SLC7A6: variants seen among roughly 807,000 people sequenced by gnomAD.
The protein encoded by SLC7A6 is Y+L amino acid transporter 2.
Under a neutral mutation model 46.6 loss-of-function variants are expected in SLC7A6, and 29 were observed. The observed-to-expected ratio is 0.62, with a 90% CI of 0.46 to 0.85. The LOEUF is 0.85. Among genes scored for constraint, SLC7A6 ranks in the 40% least tolerant of loss-of-function variants. SLC7A6 has a pLI of 0.00. For missense variants in SLC7A6, 527 were observed against 647.6 expected, an observed-to-expected ratio of 0.81 and a Z score of 2.02; for synonymous variants, 276 against 257.3, an observed-to-expected ratio of 1.07 and a Z score of -0.70.
chr16:68,296,654 T>C lies in SLC7A6; in HGVS notation c.1297T>C (p.Cys433Arg). 1 of 1,614,216 alleles carries C rather than the reference T, an allele frequency of 6.2e-7. No individual in the cohort carries two copies. Among genetic ancestry groups the C allele is most frequent in the Non-Finnish European group, 8.5e-7 (1 of 1,180,026 alleles). ...KLSVFFPIVF[C>R]ICSVFLVIVP... Reference sequence around the variant, plus strand: ...GAGCGTGTTTTTCCCCATCGTGTTCTGCATATGCTCCGTGTTTCTGGTGAT... The same window carrying C: ...GAGCGTGTTTTTCCCCATCGTGTTCCGCATATGCTCCGTGTTTCTGGTGAT... The change falls in exon 10 of 11, where the codon TGC (cysteine) becomes CGC (arginine). Residue 433 changes from cysteine to arginine, a missense_variant. Cys to Arg is a radical substitution (Grantham distance 180). Coordinates refer to ENST00000219343, the MANE Select transcript of SLC7A6 (RefSeq NM_003983.6).
chr16:68,290,626 T>TCCGACTCTCCTCCC, intron 5 of SLC7A6, 86 bp downstream of exon 5: 2 of 1,471,576 alleles, frequency 1.4e-6, no homozygotes, highest in South Asian at 2.3e-5. Context: ...CTTCTCCTCC[T>TCCGACTCTCCTCCC]CCCTCCGACT....
chr16:68,269,255 T>C (rs1195629342), intron 2 of SLC7A6, among the ~76,000 whole-genome samples: 1 of 152,228 alleles, frequency 6.6e-6, no homozygotes, highest in African/African-American at 2.4e-5. Context: ...CATCTCTCAA[T>C]ATGGTCCTAT....
At chr16:68,278,790 A>G (rs890989709) in intron 3 of SLC7A6, among the ~76,000 whole-genome samples, 17 of 152,168 alleles carry the variant, frequency 1.1e-4, no homozygotes, top group Non-Finnish European at 2.1e-4. Context: ...CAAAACCGCC[A>G]TCGTCATCAT....
intron 7 of SLC7A6, 101 bp downstream of exon 7, chr16:68,291,762 GGTGTGTGT>G (rs10525504): frequency 0.018 from 9,948 of 547,982 alleles, 46 homozygotes; most frequent in Non-Finnish European, 0.022. Context: ...GGGCATATAG[GGTGTGTGT>G]GTGTGTGTGT....
intron 2 of SLC7A6, among the ~76,000 whole-genome samples, chr16:68,272,143 G>A (rs566179492): frequency 6.6e-6 from 1 of 152,300 alleles, no homozygotes; most frequent in South Asian, 2.1e-4. Context: ...GCCTGGCATG[G>A]TGGCTCACAC....
intron 2 of SLC7A6, among the ~76,000 whole-genome samples, chr16:68,268,182 G>A (rs116430739): frequency 6.6e-6 from 1 of 152,194 alleles, no homozygotes; most frequent in Non-Finnish European, 1.5e-5. Context: ...GAAACAGTTC[G>A]GTCAGAAGTT....
Position 68,274,831 on chromosome 16 carries a change from C to T in SLC7A6, c.105C>T (p.Ser35=). ...ATGTCAGCTCGCCACCTCAAAGGTC[C>T]TCCGAAACTATGCAGCTGAAGAAGG... The part of the protein sequence containing the change: ...EEDVSSPPQR[S]SETMQLKKEI... The change falls in exon 3 of 11, where the codon TCC becomes TCT. Residue 35 remains serine (S), a synonymous_variant. Transcript: ENST00000219343. The T allele has an allele frequency of 6.2e-7, 1 of 1,614,200 alleles. No homozygotes were observed. Among genetic ancestry groups the T allele is most frequent in the Non-Finnish European group, 8.5e-7 (1 of 1,180,048 alleles).
intron 7 of SLC7A6, among the ~76,000 whole-genome samples, chr16:68,294,095 T>C (rs2043113416): frequency 1.3e-5 from 2 of 152,150 alleles, no homozygotes; most frequent in Non-Finnish European, 2.9e-5. Flanking sequence ...GGTTTATCCA[T>C]GTTGGTCAGG....
At chr16:68,287,136 C>T (rs959854531) in intron 3 of SLC7A6, among the ~76,000 whole-genome samples, 1 of 151,938 alleles carries the variant, frequency 6.6e-6, no homozygotes, top group Non-Finnish European at 1.5e-5. Context: ...CACCACCACG[C>T]CCAGCTAATT....
At chr16:68,290,827 C>T (rs551434142) in intron 5 of SLC7A6, 19 of 493,876 alleles carry the variant, frequency 3.8e-5, no homozygotes, top group Middle Eastern at 5.7e-4. Context: ...ATTAGGACCT[C>T]GGACTCTGGT....
intron 3 of SLC7A6, among the ~76,000 whole-genome samples, chr16:68,277,211 C>T (rs1596978931): frequency 6.6e-6 from 1 of 151,550 alleles, no homozygotes; most frequent in Admixed American, 6.6e-5. Flanking sequence ...CTCAGCCTCC[C>T]GAGTAGCCAG....
chr16:68,281,422 C>G (rs559819910), intron 3 of SLC7A6, among the ~76,000 whole-genome samples: 1 of 152,264 alleles, frequency 6.6e-6, no homozygotes, highest in East Asian at 1.9e-4. Flanking sequence ...GAACATACCA[C>G]CATGCACAGA....
In SLC7A6 at chr16:68,299,728, C is replaced by G. The variant is rs990409719; in HGVS notation, c.*2400C>G. The G allele has an allele frequency of 3.9e-5, 6 of 152,132 alleles. No homozygotes were observed. In the East Asian group the frequency reaches 1.2e-3, roughly 29 times the overall value. 9.4% of individuals were successfully genotyped at this position (152,132 alleles called of 1,614,324 possible). ...GAGAATGGCTTTCAATCCTTTGTTT[C>G]TATGCCTACAGACAGAAAGCAAGAT... is the stretch of plus-strand genomic sequence containing the variant. On this transcript the variant is annotated 3_prime_UTR_variant, in exon 11 of 11. Coordinates refer to ENST00000219343, the MANE Select transcript of SLC7A6 (RefSeq NM_003983.6).
At chr16:68,275,284 G>A in intron 3 of SLC7A6, 35 bp downstream of exon 3, 1 of 1,577,882 alleles carries the variant, frequency 6.3e-7, no homozygotes, top group Non-Finnish European at 8.7e-7. Flanking sequence ...GATGTTGGGG[G>A]GTGGGGGGTA....
In SLC7A6 at chr16:68,301,423, G is replaced by A. The variant is rs771854958; in HGVS notation, c.*4095G>A. 1 of 1,608,750 alleles carries A rather than the reference G, an allele frequency of 6.2e-7. No individual in the cohort carries two copies. The highest frequency in any genetic ancestry group is 1.7e-5 in the Admixed American group (1 of 59,684). ...AGCAGAGCCTAGAATGACATCCCGG[G>A]AGTGGATTCTAAATGTGATTTTCCT... On this transcript the variant is annotated 3_prime_UTR_variant, in exon 11 of 11. Transcript: ENST00000219343.
chr16:68,300,823 G>C lies in SLC7A6; in HGVS notation c.*3495G>C. On this transcript the variant is annotated 3_prime_UTR_variant, in exon 11 of 11. Coordinates refer to ENST00000219343, the MANE Select transcript of SLC7A6 (RefSeq NM_003983.6). ...CTATCCAGTCTGTATTGCTACAAGG[G>C]ACCCACTGGTACCCCTTTTAGATTC... The C allele has an allele frequency of 1.0e-6, 1 of 986,254 alleles. No homozygotes were observed. The highest frequency in any genetic ancestry group is 1.2e-6 in the Non-Finnish European group (1 of 830,582). 61.1% of individuals were successfully genotyped at this position (986,254 alleles called of 1,614,324 possible).
At chr16:68,290,908 C>T (rs2043036418) in intron 5 of SLC7A6, 1 of 484,152 alleles carries the variant, frequency 2.1e-6, no homozygotes, top group Non-Finnish European at 3.7e-6. Context: ...ATCCAGTCCC[C>T]AGGACACTGT....
intron 3 of SLC7A6, among the ~76,000 whole-genome samples, chr16:68,276,379 C>T (rs1374133014): frequency 1.3e-5 from 2 of 152,198 alleles, no homozygotes; most frequent in Non-Finnish European, 2.9e-5. Context: ...GCCAGAGGTA[C>T]TTAATAATAT....
In SLC7A6 at chr16:68,297,295, CG is replaced by C; in HGVS notation, c.1516del (p.Glu506LysfsTer29). ...GTGTCCTGACTGAGCTTGATGTAGC[CG>C]AAGAAAAAAAGGATGAGAGGAAAAC... is the stretch of plus-strand genomic sequence containing the variant. ...FCVLTELDVAEEKKDERKTD is the reference protein window; with the variant it reads ...FCVLTELDVAXEKKDERKTD On this transcript the variant is annotated frameshift_variant, in exon 11 of 11. Coordinates refer to ENST00000219343, the MANE Select transcript of SLC7A6 (RefSeq NM_003983.6). LOFTEE classifies it high-confidence loss of function. 1 of 1,612,974 alleles carries C rather than the reference CG, an allele frequency of 6.2e-7. No homozygotes were observed. Among genetic ancestry groups the C allele is most frequent in the Admixed American group, 1.7e-5 (1 of 59,776 alleles).
Sources: allele counts gnomAD v4.1 joint callset (sites outside exome capture counted in the v4.1 genomes callset), GRCh38; gene constraint gnomAD v4.1.1; transcripts MANE v1.5; gene names NCBI Gene and HGNC (gene_info 2026-07-23, HGNC 2026-07-21).